CNGB3: variants seen among roughly 807,000 people sequenced by gnomAD.
CNGB3 encodes the protein cyclic nucleotide gated channel subunit beta 3, also known as cyclic nucleotide-gated channel beta-3.
A neutral mutation model predicts 92.8 loss-of-function variants in CNGB3; 86 were observed. The observed-to-expected ratio is 0.93, with a 90% confidence interval of 0.78 to 1.11. The LOEUF (loss-of-function observed/expected upper bound fraction) is 1.11. Ranked by LOEUF, CNGB3 falls within the 50% of genes least tolerant of loss-of-function variation. CNGB3 has a pLI of 0.00. For missense variants in CNGB3, 1,026 were observed against 956.8 expected (o/e 1.07, Z -0.95); for synonymous variants, 333 against 332.7 (o/e 1.00, Z -0.01).
chr8:86,627,737 AC>A (rs767431465), intron 12 of CNGB3, among the ~76,000 whole-genome samples: 1 of 152,164 alleles, frequency 6.6e-6, no homozygotes, highest in Non-Finnish European at 1.5e-5. Context: ...ATTATTTAGC[AC>A]CTCATGGAAG....
At chr8:86,634,575 T>A (rs562081611) in intron 10 of CNGB3, among the ~76,000 whole-genome samples, 2 of 152,068 alleles carry the variant, frequency 1.3e-5, no homozygotes, top group African/African-American at 4.8e-5. Flanking sequence ...ACTGAATCCT[T>A]TAAAAATGTC....
rs537397333 is a variant in CNGB3, at chr8:86,682,239, G to A, written c.339-11141C>T. Among the ~76,000 whole-genome samples the A allele has an allele frequency of 1.3e-3, 196 of 152,244 alleles. 1 individual carries two copies. The highest frequency in any genetic ancestry group is 4.6e-3 in the African/African-American group (191 of 41,542). On this transcript the variant is annotated intron_variant, in intron 3 of 17. Coordinates refer to ENST00000320005, the MANE Select transcript of CNGB3 (RefSeq NM_019098.5). Reference sequence around the variant, plus strand: ...ACTTACCCACCTACTGATCTTGAGTGAGGACTTCCTCTAAGAAGTAATTCA... The same window carrying A: ...ACTTACCCACCTACTGATCTTGAGTAAGGACTTCCTCTAAGAAGTAATTCA...
chr8:86,742,317 A>G (rs1825357042), intron 1 of CNGB3, among the ~76,000 whole-genome samples: 1 of 152,230 alleles, frequency 6.6e-6, no homozygotes, highest in African/African-American at 2.4e-5. Flanking sequence ...AAACATATAG[A>G]TAACTTAGTG....
chr8:86,600,602 CCTTTTTTTTTT>C (rs1372582033), intron 15 of CNGB3, among the ~76,000 whole-genome samples: 3 of 149,836 alleles, frequency 2.0e-5, no homozygotes, highest in East Asian at 2.0e-4. Flanking sequence ...AATTCTAGTT[CCTTTTTTTTTT>C]CTTTTTTTTT....
chr8:86,647,187 T>A (rs773652532), intron 8 of CNGB3, among the ~76,000 whole-genome samples: 18 of 151,152 alleles, frequency 1.2e-4, no homozygotes, highest in Middle Eastern at 3.4e-3. Flanking sequence ...TCTTCTTTGT[T>A]TTAAAGCTAC....
intron 6 of CNGB3, among the ~76,000 whole-genome samples, chr8:86,663,229 G>T (rs1047185119): frequency 3.3e-5 from 5 of 152,160 alleles, no homozygotes; most frequent in African/African-American, 1.2e-4. Flanking sequence ...TGACACTGAG[G>T]ATTTCTGTGA....
intron 15 of CNGB3, among the ~76,000 whole-genome samples, chr8:86,583,386 G>A (rs1382917819): frequency 6.6e-6 from 1 of 152,072 alleles, no homozygotes. Context: ...TATGATGGTA[G>A]GTTCAGATTA....
intron 3 of CNGB3, among the ~76,000 whole-genome samples, chr8:86,681,292 C>T (rs912778059): frequency 1.3e-5 from 2 of 151,776 alleles, no homozygotes; most frequent in Non-Finnish European, 2.9e-5. Flanking sequence ...TTTGATTATC[C>T]AAAAAACAAA....
intron 14 of CNGB3, among the ~76,000 whole-genome samples, chr8:86,610,502 A>G (rs1373856645): frequency 6.8e-6 from 1 of 147,866 alleles, no homozygotes; most frequent in Non-Finnish European, 1.5e-5. Flanking sequence ...TAGCTCAGAC[A>G]TCATCTTCTC....
At chr8:86,604,361 G>C in intron 14 of CNGB3, 150 bp from the exon 15 acceptor site, 1 of 604,786 alleles carries the variant, frequency 1.7e-6, no homozygotes, top group Non-Finnish European at 2.9e-6. Flanking sequence ...AAGACCTAAA[G>C]TATTTACAGA....
In CNGB3 at chr8:86,726,618, G is replaced by T; in HGVS notation, c.251C>A (p.Thr84Lys). ...SKKNSSGDLT[T>K]NPDPQNAAEP... Reference sequence around the variant, plus strand: ...TGCTGCATTTTGAGGGTCAGGGTTTGTGGTCAGATCTCCAGAGGAATTTTT... The same window carrying T: ...TGCTGCATTTTGAGGGTCAGGGTTTTTGGTCAGATCTCCAGAGGAATTTTT... Residue 84 changes from threonine to lysine, a missense_variant, in exon 3 of 18, where the codon ACA (threonine) becomes AAA (lysine). Transcript: ENST00000320005. The T allele has an allele frequency of 6.2e-7, 1 of 1,613,772 alleles. No homozygotes were observed. The highest frequency in any genetic ancestry group is 2.2e-5 in the East Asian group (1 of 44,876).
intron 11 of CNGB3, 21 bp downstream of exon 11, chr8:86,632,730 CA>C: frequency 1.9e-6 from 3 of 1,611,778 alleles, no homozygotes; most frequent in Non-Finnish European, 1.7e-6. Flanking sequence ...ACTGTGTATC[CA>C]GTGATTCATA....
At chr8:86,615,999 C>T (rs530558015) in intron 13 of CNGB3, among the ~76,000 whole-genome samples, 26 of 152,224 alleles carry the variant, frequency 1.7e-4, no homozygotes, top group African/African-American at 6.3e-4. Flanking sequence ...GGCTCAGGGA[C>T]AGATAGCAGC....
At chr8:86,589,144 C>T (rs1019409249) in intron 15 of CNGB3, among the ~76,000 whole-genome samples, 1 of 150,016 alleles carries the variant, frequency 6.7e-6, no homozygotes, top group Non-Finnish European at 1.5e-5. Flanking sequence ...TTGTAGTATT[C>T]TCTGATGGTA....
intron 11 of CNGB3, among the ~76,000 whole-genome samples, chr8:86,631,447 T>A (rs1471814644): frequency 6.6e-6 from 1 of 152,198 alleles, no homozygotes; most frequent in Non-Finnish European, 1.5e-5. Context: ...TACGACCCTA[T>A]GAACTACATG....
At chr8:86,585,829 C>G (rs1394728163) in intron 15 of CNGB3, among the ~76,000 whole-genome samples, 1 of 152,074 alleles carries the variant, frequency 6.6e-6, no homozygotes, top group Non-Finnish European at 1.5e-5. Context: ...CCAGTAAAGG[C>G]TATGAATCAC....
At chr8:86,743,390 G>A in intron 1 of CNGB3, 109 bp downstream of exon 1, 1 of 1,206,602 alleles carries the variant, frequency 8.3e-7, no homozygotes, top group Non-Finnish European at 1.2e-6. Context: ...GTACCAGATG[G>A]TGCCAGGTAA....
chr8:86,707,286 GAGAC>G (rs1014336806), intron 3 of CNGB3, among the ~76,000 whole-genome samples: 6 of 152,154 alleles, frequency 3.9e-5, no homozygotes, highest in South Asian at 2.1e-4. Context: ...TTAATAAAGA[GAGAC>G]AGATAATATA....
At chr8:86,699,967 G>A (rs931600514) in intron 3 of CNGB3, among the ~76,000 whole-genome samples, 1 of 149,178 alleles carries the variant, frequency 6.7e-6, no homozygotes, top group Non-Finnish European at 1.5e-5. Flanking sequence ...TTCTTCTTTT[G>A]CTTTCAATCC....
Sources: allele counts gnomAD v4.1 joint callset (sites outside exome capture counted in the v4.1 genomes callset), GRCh38; gene constraint gnomAD v4.1.1; transcripts MANE v1.5; gene names NCBI Gene and HGNC (gene_info 2026-07-23, HGNC 2026-07-21).